Variants in ARHGEF11 observed in about 807,000 individuals in gnomAD.
ARHGEF11 encodes Rho guanine nucleotide exchange factor 11, also known as Rho guanine exchange factor (GEF) 11.
ARHGEF11 carries 55 observed loss-of-function variants against 193.7 expected under a neutral mutation model. The observed-to-expected ratio is 0.28, with a 90% CI of 0.23 to 0.36. The LOEUF is 0.36. Among genes scored for constraint, ARHGEF11 ranks in the 10% least tolerant of loss-of-function variants. The probability of loss-of-function intolerance (pLI) is 1.00; values close to 1 mark genes in which losing one functional copy is unlikely to be tolerated. For missense variants in ARHGEF11, 1,723 were observed against 2,005.6 expected (o/e 0.86, Z 2.69); for synonymous variants, 693 against 768.0 (o/e 0.90, Z 1.62).
At chr1:156,967,922 C>T in intron 11 of ARHGEF11, 65 bp downstream of exon 11, 2 of 1,609,468 alleles carry the variant, frequency 1.2e-6, no homozygotes, top group Non-Finnish European at 1.7e-6. Flanking sequence ...GTACTGGTAA[C>T]ACCCATGCCT....
rs1301615350 is a variant in ARHGEF11, at chr1:156,948,625, T to C, written c.1926-127A>G. The C allele has an allele frequency of 1.7e-5, 27 of 1,586,554 alleles. No individual in the cohort carries two copies. Among genetic ancestry groups the C allele is most frequent in the Non-Finnish European group, 1.6e-5 (19 of 1,169,590 alleles). On this transcript the variant is annotated intron_variant, in intron 22 of 40. Transcript: ENST00000368194. This position sits in a 1 kb window ranked among gnomAD's most constrained non-coding sequence, Gnocchi z 4.2. ...GTGCCACAGGTTCTCCTCCTGAACA[T>C]GGCCAAAGCAGCTGGATGGCAGTGG...
intron 20 of ARHGEF11, 59 bp downstream of exon 20, chr1:156,955,644 G>T: frequency 1.5e-6 from 2 of 1,369,592 alleles, no homozygotes; most frequent in Non-Finnish European, 2.1e-6. Flanking sequence ...ACTGGTACAT[G>T]AAAGGGCTGA....
chr1:156,974,926 G>A (rs1170379170), intron 7 of ARHGEF11, among the ~76,000 whole-genome samples: 1 of 152,174 alleles, frequency 6.6e-6, no homozygotes, highest in Non-Finnish European at 1.5e-5. Context: ...AAGAACATTT[G>A]GGTTGTTTCT....
chr1:156,946,432 C>G (rs575152828), intron 28 of ARHGEF11, among the ~76,000 whole-genome samples: 1 of 152,338 alleles, frequency 6.6e-6, no homozygotes, highest in African/African-American at 2.4e-5. Flanking sequence ...CATCTCAGGA[C>G]ACACAGGTGC....
chr1:156,985,101 T>C (rs1460850516), intron 2 of ARHGEF11, among the ~76,000 whole-genome samples: 1 of 152,120 alleles, frequency 6.6e-6, no homozygotes, highest in Non-Finnish European at 1.5e-5. Flanking sequence ...TGTGAGTGTA[T>C]ACTAGACATC....
rs749044057 is a variant in ARHGEF11 at position 156,947,329 on chromosome 1, G to A, written c.2463C>T (p.Asn821=). ...PREELARLFP[N]LPELIEIHNS... is the part of the protein sequence containing the mutation. ...TGTGAATCTCTATGAGTTCAGGCAG[G>A]TTCGGGAAGAGCCGGGCCAGCTCCT... The change falls in exon 26 of 41, where the codon AAC becomes AAT. Residue 821 remains asparagine (N), a synonymous_variant. Transcript: ENST00000368194. 3.1e-6 allele frequency: 5 copies of A among 1,611,992 alleles called. No individual in the cohort carries two copies. The highest frequency in any genetic ancestry group is 1.3e-5 in the African/African-American group (1 of 74,724).
intron 1 of ARHGEF11, among the ~76,000 whole-genome samples, chr1:157,026,664 C>T (rs1040513189): frequency 1.8e-4 from 27 of 152,150 alleles, no homozygotes; most frequent in Non-Finnish European, 2.1e-4. Context: ...AGCATAGGTT[C>T]AATGCTATGT....
At position 157,036,218 on chromosome 1, in the gene ARHGEF11, T is replaced by TAC. The variant is rs1553236277; in HGVS notation, c.32+8080_32+8081insGT. Among the ~76,000 whole-genome samples, 8 of 147,338 alleles carry TAC rather than the reference T, an allele frequency of 5.4e-5. No homozygotes were observed. In the Admixed American group the frequency reaches 5.5e-4, roughly 10 times the overall value. On this transcript the variant is annotated intron_variant, in intron 1 of 40. Coordinates refer to ENST00000368194, the MANE Select transcript of ARHGEF11 (RefSeq NM_198236.3). Reference sequence around the variant, plus strand: ...ATGAATATATATACATATATATATATGGCTGATTAATCAGGATCCATCAAA... The same window carrying TAC: ...ATGAATATATATACATATATATATATACGGCTGATTAATCAGGATCCATCAAA...
chr1:156,948,469 G>A lies in ARHGEF11; in HGVS notation c.1955C>T (p.Ser652Phe). Reference protein sequence around the residue: ...SSRSEIRLGRSESLKGREEMK... With the variant: ...SSRSEIRLGRFESLKGREEMK... ...CTCTTCCCGGCCCTTGAGGCTTTCA[G>A]AGCGGCCCAGGCGAATCTCTGAGCG... The change falls in exon 23 of 41, where the codon TCT becomes TTT. Residue 652 changes from serine to phenylalanine, a missense_variant. This residue lies in a region of ARHGEF11 where 491 missense variants were observed against 654.5 expected (regional missense o/e 0.75). Transcript: ENST00000368194. This position sits in a 1 kb window ranked among gnomAD's most constrained non-coding sequence, Gnocchi z 4.2. 6.2e-7 allele frequency: 1 copy of A among 1,614,224 alleles called. No homozygotes were observed. The highest frequency in any genetic ancestry group is 2.2e-5 in the East Asian group (1 of 44,880).
chr1:156,945,102 G>A lies in ARHGEF11; in HGVS notation c.2908C>T (p.Arg970Cys), dbSNP rs140673049. 27 of 1,614,060 alleles carry A rather than the reference G, an allele frequency of 1.7e-5. No homozygotes were observed. Among genetic ancestry groups the A allele is most frequent in the African/African-American group, 5.3e-5 (4 of 74,926 alleles). ...TTCTGGTAGCCCTCTAAACGGTGGC[G>A]GTTCTCTGTTTGTTTTACCGCTTCA... ...VNEAVKQTENRHRLEGYQKRL... is the reference protein window; with the variant it reads ...VNEAVKQTENCHRLEGYQKRL... Residue 970 changes from arginine to cysteine, a missense_variant, in exon 30 of 41, where the codon CGC becomes TGC. Arg to Cys is a radical substitution (Grantham distance 180). This residue lies in a region of ARHGEF11 where 491 missense variants were observed against 654.5 expected (regional missense o/e 0.75). Coordinates refer to ENST00000368194, the MANE Select transcript of ARHGEF11 (RefSeq NM_198236.3).
Position 156,940,325 on chromosome 1 carries a change from A to C in ARHGEF11, c.3615T>G (p.Pro1205=), listed in dbSNP as rs904546833. 2 of 1,613,824 alleles carry C rather than the reference A, an allele frequency of 1.2e-6. No individual in the cohort carries two copies. Among genetic ancestry groups the C allele is most frequent in the African/African-American group, 2.7e-5 (2 of 74,934 alleles). The change falls in exon 36 of 41, where the codon CCT becomes CCG. Residue 1205 remains proline, a synonymous_variant. Coordinates refer to ENST00000368194, the MANE Select transcript of ARHGEF11 (RefSeq NM_198236.3). ...CTCCATCCAGGGATGTGGAAGGGCA[A>C]GGCAGGACACCCAGTTCCTCTTCCT... The part of the protein sequence containing the change: ...SAEEEELGVL[P]CPSTSLDGEN...
At chr1:157,002,804 T>TCAG (rs1473091335) in intron 1 of ARHGEF11, among the ~76,000 whole-genome samples, 6 of 152,220 alleles carry the variant, frequency 3.9e-5, no homozygotes, top group Non-Finnish European at 8.8e-5. Flanking sequence ...CTTAAAGCAC[T>TCAG]TACTGAGACA....
chr1:156,942,648 A>C (rs1329276728), intron 33 of ARHGEF11, 42 bp downstream of exon 33: 2 of 1,575,940 alleles, frequency 1.3e-6, no homozygotes, highest in Non-Finnish European at 1.7e-6. Flanking sequence ...CCCTGGTCCG[A>C]AAGGGACCAC....
intron 1 of ARHGEF11, among the ~76,000 whole-genome samples, chr1:156,995,708 T>TC (rs1333329568): frequency 6.6e-6 from 1 of 150,818 alleles, no homozygotes; most frequent in Non-Finnish European, 1.5e-5. Flanking sequence ...CAGCTTGTTT[T>TC]TTTTTTTTTT....
At chr1:157,008,453 C>T (rs537430981) in intron 1 of ARHGEF11, among the ~76,000 whole-genome samples, 6 of 151,904 alleles carry the variant, frequency 3.9e-5, no homozygotes, top group East Asian at 3.9e-4. Flanking sequence ...TGTGAGCACA[C>T]GGTGAGAAGG....
chr1:156,951,766 T>A, intron 21 of ARHGEF11, 67 bp from the exon 22 acceptor site: 1 of 1,599,756 alleles, frequency 6.3e-7, no homozygotes, highest in South Asian at 1.1e-5. Context: ...AGGCTTGGAC[T>A]TCCCCAGATC....
At chr1:156,944,553 C>T in intron 30 of ARHGEF11, 120 bp from the exon 31 acceptor site, 2 of 1,027,998 alleles carry the variant, frequency 1.9e-6, no homozygotes, top group Non-Finnish European at 2.9e-6. Context: ...AGAAAAAGTC[C>T]TTGCCCTTAC....
intron 1 of ARHGEF11, among the ~76,000 whole-genome samples, chr1:157,034,919 G>T (rs1671721855): frequency 6.6e-6 from 1 of 152,154 alleles, no homozygotes; most frequent in African/African-American, 2.4e-5. Flanking sequence ...AACCAGCAAA[G>T]ACTTCCTTGA....
chr1:156,956,364 C>A (rs1278796002), intron 19 of ARHGEF11, 56 bp downstream of exon 19: 1 of 1,589,944 alleles, frequency 6.3e-7, no homozygotes, highest in African/African-American at 1.3e-5. Flanking sequence ...AATCACCCGC[C>A]TTGGCATTCC....
Sources: allele counts gnomAD v4.1 joint callset (sites outside exome capture counted in the v4.1 genomes callset), GRCh38; gene constraint gnomAD v4.1.1; regional missense constraint gnomAD v4.1.1; non-coding constraint Gnocchi (gnomAD v3.1); transcripts MANE v1.5; gene names NCBI Gene and HGNC (gene_info 2026-07-23, HGNC 2026-07-21).